RGS22: variants seen among roughly 807,000 people sequenced by gnomAD.
RGS22 encodes the protein regulator of G-protein signaling 22.
Under a neutral mutation model 172.9 loss-of-function variants are expected in RGS22, and 148 were observed. That is an observed-to-expected ratio of 0.86 (90% CI 0.75 to 0.98). The LOEUF (loss-of-function observed/expected upper bound fraction) is 0.98, where lower values mean the gene tolerates loss of function less well. RGS22 is among the 50% of genes least tolerant of loss of function. The probability of loss-of-function intolerance (pLI) is 0.00; values close to 1 mark genes in which losing one functional copy is unlikely to be tolerated. For synonymous variants in RGS22, 458 were observed against 480.2 expected (o/e 0.95, Z 0.60); for missense variants, 1,347 against 1,440.8 (o/e 0.93, Z 1.05).
intron 21 of RGS22, among the ~76,000 whole-genome samples, chr8:99,985,662 T>A (rs1158707599): frequency 6.6e-6 from 1 of 152,214 alleles, no homozygotes; most frequent in Admixed American, 6.5e-5. Flanking sequence ...ACAAATTTAC[T>A]CCTATAGCAT....
chr8:100,056,898 C>T (rs1004541784), intron 9 of RGS22, among the ~76,000 whole-genome samples: 1 of 152,196 alleles, frequency 6.6e-6, no homozygotes, highest in African/African-American at 2.4e-5. Flanking sequence ...AGAGGGCCAC[C>T]ATCCTCCAGA....
intron 14 of RGS22, among the ~76,000 whole-genome samples, chr8:100,022,020 G>A (rs1218582536): frequency 2.0e-5 from 3 of 152,116 alleles, no homozygotes; most frequent in African/African-American, 7.2e-5. Flanking sequence ...AGGAAAAAAT[G>A]ATGATTTTTA....
At chr8:100,105,279 G>T in intron 2 of RGS22, 95 bp downstream of exon 2, 2 of 991,420 alleles carry the variant, frequency 2.0e-6, no homozygotes, top group Non-Finnish European at 3.2e-6. Flanking sequence ...CTGGCAAAAA[G>T]GAGGAAAGAA....
intron 20 of RGS22, 95 bp from the exon 21 acceptor site, chr8:99,987,714 G>C: frequency 1.2e-6 from 1 of 820,462 alleles, no homozygotes; most frequent in Non-Finnish European, 1.8e-6. Context: ...GAAATGCCTG[G>C]CATGGCTATA....
intron 14 of RGS22, among the ~76,000 whole-genome samples, chr8:100,009,478 C>A (rs1816131477): frequency 6.7e-6 from 1 of 149,672 alleles, no homozygotes; most frequent in Admixed American, 6.6e-5. Flanking sequence ...GAACCTCCAG[C>A]AAACCTGCCA....
chr8:99,993,190 C>T (rs537381044), intron 20 of RGS22, among the ~76,000 whole-genome samples: 17 of 152,266 alleles, frequency 1.1e-4, no homozygotes, highest in African/African-American at 3.6e-4. Flanking sequence ...GACACCCTAA[C>T]ATCACAATTA....
At chr8:100,096,718 A>G (rs1163389500) in intron 2 of RGS22, among the ~76,000 whole-genome samples, 1 of 142,314 alleles carries the variant, frequency 7.0e-6, no homozygotes, top group African/African-American at 2.6e-5. Flanking sequence ...TATATTGCCT[A>G]TGCTGGTCTT....
chr8:100,079,869 C>A (rs960009201), intron 4 of RGS22, among the ~76,000 whole-genome samples: 3 of 152,122 alleles, frequency 2.0e-5, no homozygotes, highest in Non-Finnish European at 4.4e-5. Flanking sequence ...TTATAAAGGA[C>A]ACTTATATTT....
intron 2 of RGS22, among the ~76,000 whole-genome samples, chr8:100,100,660 A>G (rs1488862900): frequency 6.6e-6 from 1 of 152,306 alleles, no homozygotes; most frequent in African/African-American, 2.4e-5. Context: ...TGGAGAGTCA[A>G]CTATGTTACT....
chr8:100,003,488 C>T (rs1269192090), intron 17 of RGS22, among the ~76,000 whole-genome samples: 2 of 151,578 alleles, frequency 1.3e-5, no homozygotes, highest in East Asian at 3.9e-4. Flanking sequence ...TTATAAGGTT[C>T]CAAGATTCTG....
At chr8:99,991,670 T>C (rs1213508075) in intron 20 of RGS22, among the ~76,000 whole-genome samples, 1 of 152,044 alleles carries the variant, frequency 6.6e-6, no homozygotes, top group Non-Finnish European at 1.5e-5. Context: ...ATGGGGAGAA[T>C]GGAACCAAGT....
At chr8:100,105,486 C>G (rs1813860116) in intron 1 of RGS22, 84 bp from the exon 2 acceptor site, 1 of 1,140,290 alleles carries the variant, frequency 8.8e-7, no homozygotes, top group Non-Finnish European at 1.3e-6. Context: ...AGCACCTAGC[C>G]CTACGTTATA....
At chr8:100,066,351 C>T (rs1810536002) in intron 6 of RGS22, 55 bp from the exon 7 acceptor site, 3 of 1,426,820 alleles carry the variant, frequency 2.1e-6, no homozygotes, top group Non-Finnish European at 2.9e-6. Flanking sequence ...TTACTCTGAT[C>T]ACAAACCTGG....
intron 3 of RGS22, among the ~76,000 whole-genome samples, chr8:100,084,947 A>C (rs1272088399): frequency 6.6e-6 from 1 of 152,258 alleles, no homozygotes; most frequent in African/African-American, 2.4e-5. Context: ...CCCAGTGACA[A>C]GGGTAGTAAT....
At chr8:99,963,448 T>C (rs999551221) in intron 24 of RGS22, among the ~76,000 whole-genome samples, 1 of 152,156 alleles carries the variant, frequency 6.6e-6, no homozygotes, top group Non-Finnish European at 1.5e-5. Flanking sequence ...ATATATTCAA[T>C]TTGACTGTAA....
At chr8:100,000,854 G>A (rs1267915249) in intron 18 of RGS22, among the ~76,000 whole-genome samples, 4 of 151,812 alleles carry the variant, frequency 2.6e-5, no homozygotes, top group Non-Finnish European at 4.4e-5. Flanking sequence ...GCTCCCTCTC[G>A]CTCCCAAAGC....
Position 100,071,369 on chromosome 8 carries a change from C to T in RGS22, c.594G>A (p.Glu198=). 6.3e-7 allele frequency: 1 copy of T among 1,598,670 alleles called. No individual in the cohort carries two copies. The highest frequency in any genetic ancestry group is 1.3e-5 in the African/African-American group (1 of 74,104). ...IMKKFYVSLG[E]ASYTQTKDWF... The stretch of plus-strand genomic sequence containing the variant: ...CATGAAAAAATGCTCATACTTTTAC[C>T]TCACCAAGTGATACATAGAACTTTT... Residue 198 remains glutamate (E), a splice_region_variant and synonymous_variant, in exon 6 of 28, where the codon GAG becomes GAA. Coordinates refer to ENST00000360863, the MANE Select transcript of RGS22 (RefSeq NM_015668.5).
chr8:100,010,909 G>T (rs377701947), intron 14 of RGS22, among the ~76,000 whole-genome samples: 7 of 151,346 alleles, frequency 4.6e-5, no homozygotes, highest in African/African-American at 1.7e-4. Context: ...ATCCCAAAGA[G>T]CTGGAATTAA....
At chr8:100,080,568 TA>T in intron 3 of RGS22, 1 of 520,680 alleles carries the variant, frequency 1.9e-6, no homozygotes, top group Non-Finnish European at 3.4e-6. Flanking sequence ...ATGCCACGAG[TA>T]AGTGTCAGGG....
Sources: allele counts gnomAD v4.1 joint callset (sites outside exome capture counted in the v4.1 genomes callset), GRCh38; gene constraint gnomAD v4.1.1; transcripts MANE v1.5; gene names NCBI Gene and HGNC (gene_info 2026-07-23, HGNC 2026-07-21).